Variants in KIF6 observed in about 807,000 individuals in gnomAD.
KIF6 encodes the protein kinesin family member 6, also known as kinesin-like protein KIF6.
Under a neutral mutation model 112.7 loss-of-function variants are expected in KIF6, and 106 were observed. That is an observed-to-expected ratio of 0.94 (90% CI 0.80 to 1.11). The LOEUF is 1.11. KIF6 is among the 50% of genes least tolerant of loss of function. KIF6 has a pLI of 0.00. For missense variants in KIF6, 929 were observed against 964.0 expected (o/e 0.96, Z 0.48); for synonymous variants, 339 against 339.9 (o/e 1.00, Z 0.03).
rs1771136503 is a variant in KIF6 at position 39,431,246 on chromosome 6, C to G, written c.1646-85G>C. The G allele has an allele frequency of 2.4e-5, 19 of 778,586 alleles. No individual in the cohort carries two copies. The South Asian group carries it at 3.0e-4, about 12-fold the overall frequency. The allele number at this position is 778,586 out of a possible 1,614,324, so 48.2% of individuals were successfully genotyped here. On this transcript the variant is annotated intron_variant, in intron 13 of 22. Coordinates refer to ENST00000287152, the MANE Select transcript of KIF6 (RefSeq NM_145027.6). ...TGTCACTTCAGTCAGACCACAAAAC[C>G]AGCCCTGGCTCCAAGAGGCCCACAG...
intron 2 of KIF6, among the ~76,000 whole-genome samples, chr6:39,719,116 C>T (rs1187259156): frequency 3.3e-5 from 5 of 152,124 alleles, no homozygotes; most frequent in South Asian, 2.1e-4. Context: ...ATCAGAAGTT[C>T]GAGACCAGCC....
At chr6:39,539,449 T>C (rs1277165638) in intron 13 of KIF6, among the ~76,000 whole-genome samples, 1 of 152,156 alleles carries the variant, frequency 6.6e-6, no homozygotes, top group African/African-American at 2.4e-5. Flanking sequence ...GTTCAAATGA[T>C]TCTCCTGCCT....
chr6:39,456,814 G>A (rs1773145035), intron 13 of KIF6, among the ~76,000 whole-genome samples: 1 of 140,282 alleles, frequency 7.1e-6, no homozygotes, highest in East Asian at 2.1e-4. Context: ...TCAACAAGAG[G>A]AGCTAACTAT....
chr6:39,597,813 T>A (rs1184814698), intron 6 of KIF6, among the ~76,000 whole-genome samples: 2 of 152,106 alleles, frequency 1.3e-5, no homozygotes, highest in African/African-American at 4.8e-5. Context: ...AAATCCATCA[T>A]AAAATTAAAG....
At chr6:39,399,190 T>A (rs1237375228) in intron 15 of KIF6, among the ~76,000 whole-genome samples, 5 of 152,220 alleles carry the variant, frequency 3.3e-5, no homozygotes, top group Non-Finnish European at 7.3e-5. Context: ...CACATCCTTT[T>A]GGCTCTGTTT....
Position 39,374,510 on chromosome 6 carries a change from A to T in KIF6, c.1861+11112T>A, listed in dbSNP as rs1049041581. On this transcript the variant is annotated intron_variant, in intron 16 of 22. Coordinates refer to ENST00000287152, the MANE Select transcript of KIF6 (RefSeq NM_145027.6). ...GGTTTATATTCAAAATATATAATGG[A>T]CTCAAGCAACTCAACAGCAAGAAAA... 2.0e-5 allele frequency among the ~76,000 whole-genome samples: 3 copies of T among 152,324 alleles called. No homozygotes were observed. The East Asian group carries it at 5.8e-4, about 29-fold the overall frequency.
intron 3 of KIF6, among the ~76,000 whole-genome samples, chr6:39,698,856 TAATG>T: frequency 6.6e-6 from 1 of 152,212 alleles, no homozygotes; most frequent in South Asian, 2.1e-4. Context: ...CATGGCTCTA[TAATG>T]GGAATTTTCA....
intron 13 of KIF6, among the ~76,000 whole-genome samples, chr6:39,510,872 C>CAA (rs1180631310): frequency 0.02 from 485 of 23,872 alleles, 41 homozygotes; most frequent in African/African-American, 0.046. Context: ...AAATGGGAAG[C>CAA]AAAAAAAAAA....
intron 19 of KIF6, 64 bp from the exon 20 acceptor site, chr6:39,346,590 G>A (rs1763828056): frequency 3.1e-6 from 2 of 647,236 alleles, no homozygotes; most frequent in Non-Finnish European, 2.8e-6. Flanking sequence ...ATAGCAGCCT[G>A]AGCAGACTAA....
chr6:39,585,701 A>C (rs1040949471), intron 8 of KIF6, among the ~76,000 whole-genome samples: 2 of 152,144 alleles, frequency 1.3e-5, no homozygotes, highest in Non-Finnish European at 2.9e-5. Flanking sequence ...ATAGGTCAAA[A>C]AGAGAGGTTT....
chr6:39,713,677 C>T (rs905713717), intron 3 of KIF6, among the ~76,000 whole-genome samples: 5 of 152,168 alleles, frequency 3.3e-5, no homozygotes, highest in African/African-American at 1.2e-4. Flanking sequence ...AAATGTTTGA[C>T]ATCTAATCAA....
intron 3 of KIF6, among the ~76,000 whole-genome samples, chr6:39,698,940 C>T (rs527501726): frequency 8.0e-4 from 122 of 152,284 alleles, no homozygotes; most frequent in African/African-American, 2.8e-3. Flanking sequence ...ATCTAATTTG[C>T]CTATTGCACA....
chr6:39,664,205 T>C (rs992225311), intron 3 of KIF6, among the ~76,000 whole-genome samples: 1 of 152,120 alleles, frequency 6.6e-6, no homozygotes, highest in Non-Finnish European at 1.5e-5. Flanking sequence ...GAGTTCAAGC[T>C]TGGTGTTTCA....
At chr6:39,380,921 C>T (rs1766878285) in intron 16 of KIF6, among the ~76,000 whole-genome samples, 1 of 152,172 alleles carries the variant, frequency 6.6e-6, no homozygotes, top group Non-Finnish European at 1.5e-5. Context: ...TAATTGTAAA[C>T]TTATCTAATT....
intron 13 of KIF6, among the ~76,000 whole-genome samples, chr6:39,534,588 G>A (rs1393608538): frequency 7.2e-5 from 11 of 152,216 alleles, no homozygotes; most frequent in African/African-American, 2.7e-4. Flanking sequence ...ACGTCTGATT[G>A]GTGTACCTAA....
At chr6:39,384,792 A>G (rs80267881) in intron 16 of KIF6, among the ~76,000 whole-genome samples, 6,544 of 152,178 alleles carry the variant, frequency 0.043, 160 homozygotes, top group African/African-American at 0.057. Flanking sequence ...ATTTAATCAA[A>G]GTTCTCCATA....
rs1265725521 is a variant in KIF6 at position 39,725,376 on chromosome 6, C to T, written c.-66G>A. The T allele has an allele frequency of 1.5e-6, 2 of 1,319,330 alleles. No individual in the cohort carries two copies. Among genetic ancestry groups the T allele is most frequent in the South Asian group, 2.4e-5 (2 of 82,138 alleles). The allele number at this position is 1,319,330 out of a possible 1,614,324, so 81.7% of individuals were successfully genotyped here. ...CCCGGGCTGCCAAAACTAACTCCCACCACCTCCGGCGACCCACAGTCTTAG... is the reference window on the plus strand; with the variant it reads ...CCCGGGCTGCCAAAACTAACTCCCATCACCTCCGGCGACCCACAGTCTTAG... On this transcript the variant is annotated 5_prime_UTR_variant, in exon 1 of 23. The change creates a new upstream start codon in the 5' untranslated region. Coordinates refer to ENST00000287152, the MANE Select transcript of KIF6 (RefSeq NM_145027.6).
intron 3 of KIF6, among the ~76,000 whole-genome samples, chr6:39,710,242 G>C (rs550427815): frequency 6.6e-6 from 1 of 152,090 alleles, no homozygotes; most frequent in Non-Finnish European, 1.5e-5. Context: ...AGGGCCTCAC[G>C]CCTAGCAAAT....
At position 39,342,452 on chromosome 6, in the gene KIF6, C is replaced by T. The variant is rs1763371806; in HGVS notation, c.2428+1257G>A. Among the ~76,000 whole-genome samples, 1 of 152,198 alleles carries T rather than the reference C, an allele frequency of 6.6e-6. No homozygotes were observed. Among genetic ancestry groups the T allele is most frequent in the Non-Finnish European group, 1.5e-5 (1 of 68,042 alleles). On this transcript the variant is annotated intron_variant, in intron 22 of 22. Coordinates refer to ENST00000287152, the MANE Select transcript of KIF6 (RefSeq NM_145027.6). The surrounding 1 kb of genome is among the most constrained non-coding windows in gnomAD (Gnocchi z 4.7). Reference sequence around the variant, plus strand: ...CTTGTTCTCTGCTGTAGCACCAGCACTAGTAGTAGTGCCTGGCATAAGAAG... The same window carrying T: ...CTTGTTCTCTGCTGTAGCACCAGCATTAGTAGTAGTGCCTGGCATAAGAAG...
Sources: allele counts gnomAD v4.1 joint callset (sites outside exome capture counted in the v4.1 genomes callset), GRCh38; gene constraint gnomAD v4.1.1; non-coding constraint Gnocchi (gnomAD v3.1); transcripts MANE v1.5; gene names NCBI Gene and HGNC (gene_info 2026-07-23, HGNC 2026-07-21).